Variants in FUT8 observed in about 807,000 individuals in gnomAD.
FUT8 encodes fucosyltransferase 8.
Under a neutral mutation model 71.3 loss-of-function variants are expected in FUT8, and 29 were observed. The ratio of observed to expected loss-of-function variants is 0.41; its 90% CI spans 0.30 to 0.55. FUT8 has a LOEUF of 0.55. Ranked by LOEUF, FUT8 falls within the 20% of genes least tolerant of loss-of-function variation. FUT8 has a pLI of 0.34. For missense variants in FUT8, 544 were observed against 702.1 expected (o/e 0.77, Z 2.55); for synonymous variants, 254 against 239.3 (o/e 1.06, Z -0.57).
rs369851939 is a variant in FUT8 at position 65,669,483 on chromosome 14, A to G, written c.835+3A>G. On this transcript the variant is annotated splice_donor_region_variant and intron_variant, in intron 7 of 10. Coordinates refer to ENST00000673929, the MANE Select transcript of FUT8 (RefSeq NM_001371533.1). This position sits in a 1 kb window ranked among gnomAD's most constrained non-coding sequence, Gnocchi z 4.5. ...CATCTCCACTGGACACTGGTCAGGT[A>G]AGGAGCTTGTGCAGCATATGAGATC... 1.2e-5 allele frequency: 20 copies of G among 1,601,658 alleles called. No individual in the cohort carries two copies. The highest frequency in any genetic ancestry group is 4.5e-5 in the East Asian group (2 of 44,820).
chr14:65,395,849 A>C, the FUT8 span, among the ~76,000 whole-genome samples: 1 of 152,224 alleles, frequency 6.6e-6, no homozygotes, highest in Non-Finnish European at 1.5e-5. Flanking sequence ...AATTTTCCGA[A>C]CTTTTATGCT....
intron 6 of FUT8, among the ~76,000 whole-genome samples, chr14:65,637,295 C>T (rs1282693399): frequency 1.3e-5 from 2 of 152,028 alleles, no homozygotes; most frequent in Non-Finnish European, 2.9e-5. Context: ...ATTTATGTTG[C>T]GATTTCTGAT....
chr14:65,635,895 G>T (rs1476965966), intron 6 of FUT8, among the ~76,000 whole-genome samples: 1 of 152,068 alleles, frequency 6.6e-6, no homozygotes, highest in Non-Finnish European at 1.5e-5. Context: ...TTGTGGACTA[G>T]TATCGAAAGG....
intron 3 of FUT8, among the ~76,000 whole-genome samples, chr14:65,586,310 T>A (rs1359516013): frequency 6.6e-6 from 1 of 152,248 alleles, no homozygotes; most frequent in Non-Finnish European, 1.5e-5. Flanking sequence ...GCAATCTTTT[T>A]ACATTTCTGA....
chr14:65,668,170 T>C (rs543015055), intron 6 of FUT8, among the ~76,000 whole-genome samples: 2 of 152,062 alleles, frequency 1.3e-5, no homozygotes, highest in African/African-American at 4.8e-5. Context: ...CTGGCAAAGA[T>C]TGCATGATGA....
At chr14:65,742,071 T>G (rs777992868) in intron 10 of FUT8, 22 bp from the exon 11 acceptor site, 107 of 1,596,872 alleles carry the variant, frequency 6.7e-5, no homozygotes, top group Non-Finnish European at 9.1e-5. Context: ...TACTAACAAT[T>G]TCTTTTAAAT....
intron 7 of FUT8, among the ~76,000 whole-genome samples, chr14:65,681,507 C>G (rs931945343): frequency 6.6e-6 from 1 of 152,090 alleles, no homozygotes; most frequent in Non-Finnish European, 1.5e-5. Context: ...TAAAATTATC[C>G]TAATATTAAA....
Position 65,666,325 on chromosome 14 carries a change from C to T in FUT8, c.598-2918C>T, listed in dbSNP as rs17246385. Among the ~76,000 whole-genome samples, 876 of 152,058 alleles carry T rather than the reference C, an allele frequency of 5.8e-3. 31 individuals are homozygous for T. The East Asian group carries it at 0.094, about 16-fold the overall frequency. ...TTTTATGATTTTTGGTACTTGTCAC[C>T]TGTAAAGAGAAGTTAAGGGAACATC... On this transcript the variant is annotated intron_variant, in intron 6 of 10. Transcript: ENST00000673929.
At chr14:65,412,638 C>G (rs2065149986), upstream of FUT8, 1 of 261,522 alleles carries the variant, frequency 3.8e-6, no homozygotes, top group Non-Finnish European at 7.5e-6. Flanking sequence ...GGGGAGAATC[C>G]CTGGCACATG....
At chr14:65,733,750 C>T (rs1896089722) in intron 10 of FUT8, among the ~76,000 whole-genome samples, 1 of 152,184 alleles carries the variant, frequency 6.6e-6, no homozygotes, top group Non-Finnish European at 1.5e-5. Context: ...TCCATTTCTA[C>T]ACATCATCGC....
chr14:65,434,885 C>G (rs1336603349), intron 1 of FUT8, among the ~76,000 whole-genome samples: 1 of 151,974 alleles, frequency 6.6e-6, no homozygotes, highest in African/African-American at 2.4e-5. Context: ...ATCCACACTG[C>G]GATACACAGT....
intron 3 of FUT8, among the ~76,000 whole-genome samples, chr14:65,564,116 C>T (rs1237346525): frequency 2.0e-5 from 3 of 152,026 alleles, no homozygotes; most frequent in East Asian, 1.9e-4. Context: ...AGCCCTCTGG[C>T]ATGAAAGGAA....
At chr14:65,471,135 C>T (rs747900219) in intron 2 of FUT8, 2 of 430,768 alleles carry the variant, frequency 4.6e-6, no homozygotes, top group Non-Finnish European at 4.7e-6. Flanking sequence ...GTTCTATAGT[C>T]CTGTAATTAG....
chr14:65,428,126 A>G (rs1375129479), intron 1 of FUT8, among the ~76,000 whole-genome samples: 1 of 152,144 alleles, frequency 6.6e-6, no homozygotes, highest in Non-Finnish European at 1.5e-5. Context: ...AAAATGAATT[A>G]TTTTGACTTT....
intron 2 of FUT8, among the ~76,000 whole-genome samples, chr14:65,557,812 A>C (rs968138897): frequency 1.1e-4 from 16 of 152,092 alleles, no homozygotes; most frequent in African/African-American, 3.9e-4. Context: ...AATCTCAACA[A>C]ACACTGCTAT....
chr14:65,512,770 A>T (rs1882438060), intron 2 of FUT8, among the ~76,000 whole-genome samples: 1 of 151,832 alleles, frequency 6.6e-6, no homozygotes. Flanking sequence ...TTAGCCGGGC[A>T]TGGTGGCGGG....
At position 65,729,164 on chromosome 14, in the gene FUT8, C is replaced by A. The variant is rs1197946186; in HGVS notation, c.1260-4067C>A. On this transcript the variant is annotated intron_variant, in intron 9 of 10. Transcript: ENST00000673929. ...CCTCAGCTTCCTGAGTAGCTGGGAC[C>A]ATTGGCATGCAGCATCATGCCCAGC... 6.0e-5 allele frequency among the ~76,000 whole-genome samples: 9 copies of A among 149,700 alleles called. No individual in the cohort carries two copies. In the South Asian group the frequency reaches 1.5e-3, roughly 25 times the overall value.
chr14:65,468,310 C>T (rs1217354957), intron 2 of FUT8: 6 of 604,148 alleles, frequency 9.9e-6, no homozygotes, highest in South Asian at 2.8e-5. Flanking sequence ...GAACATATAT[C>T]GGGTGCCTCT....
intron 3 of FUT8, among the ~76,000 whole-genome samples, chr14:65,611,668 TTC>T (rs1468496733): frequency 6.6e-6 from 1 of 152,164 alleles, no homozygotes; most frequent in African/African-American, 2.4e-5. Flanking sequence ...CTTTCTTTCT[TTC>T]TTTTTTCTGA....
Sources: gnomAD v4.1 joint callset for allele counts (sites outside exome capture counted in the v4.1 genomes callset) on GRCh38, gnomAD v4.1.1 for gene constraint, Gnocchi (gnomAD v3.1) non-coding constraint, MANE v1.5 for transcripts, NCBI Gene and HGNC (gene_info 2026-07-23, HGNC 2026-07-21) for gene names.